Variants in BTG4 observed in about 807,000 individuals in gnomAD.
The protein encoded by BTG4 is protein BTG4.
A neutral mutation model predicts 19.3 loss-of-function variants in BTG4; 10 were observed. The observed-to-expected ratio is 0.52, with a 90% CI of 0.32 to 0.88. BTG4 has a LOEUF of 0.88. Among genes scored for constraint, BTG4 ranks in the 40% least tolerant of loss-of-function variants. The pLI, the probability that BTG4 is intolerant of heterozygous loss-of-function variation, is 0.04. For missense variants in BTG4, 238 were observed against 281.9 expected (o/e 0.84, Z 1.11); for synonymous variants, 91 against 95.7 (o/e 0.95, Z 0.29).
intron 1 of BTG4, among the ~76,000 whole-genome samples, chr11:111,511,863 C>T (rs554968291): frequency 4.6e-4 from 70 of 152,316 alleles, no homozygotes; most frequent in African/African-American, 1.6e-3. Flanking sequence ...GAGGACCTCC[C>T]TTCTATTTCT....
chr11:111,405,594 A>T, the BTG4 span, among the ~76,000 whole-genome samples: 1 of 151,946 alleles, frequency 6.6e-6, no homozygotes, highest in African/African-American at 2.4e-5. Context: ...GGGTGGATTG[A>T]TCTCAGTATG....
At chr11:111,483,862 C>A (rs1008565475) in intron 5 of BTG4, among the ~76,000 whole-genome samples, 1 of 151,964 alleles carries the variant, frequency 6.6e-6, no homozygotes, top group Non-Finnish European at 1.5e-5. Flanking sequence ...ACATGAATAT[C>A]CAAGTACAAG....
chr11:111,498,863 T>G (rs964056091), intron 1 of BTG4, 61 bp from the exon 2 acceptor site: 8 of 1,201,990 alleles, frequency 6.7e-6, no homozygotes, highest in Admixed American at 5.7e-5. Context: ...ATTATCAATA[T>G]TTAACTGCCA....
the BTG4 span, among the ~76,000 whole-genome samples, chr11:111,388,280 A>G: frequency 3.2e-4 from 47 of 145,596 alleles, no homozygotes; most frequent in African/African-American, 1.1e-3. Context: ...GCCATGACTC[A>G]GTTGGTTGGT....
the BTG4 span, among the ~76,000 whole-genome samples, chr11:111,424,075 G>GC: frequency 1.2e-4 from 19 of 152,178 alleles, no homozygotes; most frequent in African/African-American, 4.6e-4. Flanking sequence ...AGGCTCAGAG[G>GC]CTTGACCAGC....
chr11:111,502,597 T>A lies in BTG4; in HGVS notation c.-26-3795A>T, dbSNP rs564665604. Among the ~76,000 whole-genome samples the A allele has an allele frequency of 4.6e-5, 7 of 152,346 alleles. No individual in the cohort carries two copies. The East Asian group carries it at 1.3e-3, about 29-fold the overall frequency. ...GTAACTCCTTGTATACTGCTGAAAT[T>A]TTGCTTCTGAACTAAAGGCAACAGA... On this transcript the variant is annotated intron_variant, in intron 1 of 4. Coordinates refer to ENST00000692032, the MANE Select transcript of BTG4 (RefSeq NM_001367975.1).
the BTG4 span, among the ~76,000 whole-genome samples, chr11:111,407,357 G>C: frequency 6.6e-6 from 1 of 152,130 alleles, no homozygotes; most frequent in South Asian, 2.1e-4. Context: ...AGGCAGGTTA[G>C]AGAAAGATGT....
Position 111,497,522 on chromosome 11 carries a change from A to G in BTG4, c.312-113T>C, listed in dbSNP as rs138883592. On this transcript the variant is annotated intron_variant, in intron 3 of 4. Coordinates refer to ENST00000692032, the MANE Select transcript of BTG4 (RefSeq NM_001367975.1). ...ATTTTAAAAGAAATTGCCTTAAAAA[A>G]TTGAAGGACATTATGACCTTCACCT... The G allele has an allele frequency of 8.8e-4, 545 of 620,484 alleles. 4 individuals are homozygous for G. The African/African-American group carries it at 9.5e-3, about 11-fold the overall frequency. 38.4% of individuals were successfully genotyped at this position (620,484 alleles called of 1,614,324 possible).
At chr11:111,392,735 A>G in the BTG4 span, among the ~76,000 whole-genome samples, 1 of 152,166 alleles carries the variant, frequency 6.6e-6, no homozygotes, top group Non-Finnish European at 1.5e-5. Flanking sequence ...TTTTGGGAGA[A>G]TAGACATTCC....
downstream of BTG4, among the ~76,000 whole-genome samples, chr11:111,465,867 G>A (rs1304479983): frequency 6.6e-6 from 1 of 152,082 alleles, no homozygotes; most frequent in Non-Finnish European, 1.5e-5. Context: ...GGCTAACAAA[G>A]CCTAAAATAC....
chr11:111,486,942 C>T (rs1865101854), intron 5 of BTG4, among the ~76,000 whole-genome samples: 1 of 152,050 alleles, frequency 6.6e-6, no homozygotes, highest in Admixed American at 6.6e-5. Flanking sequence ...GCCCCCCATG[C>T]ATTAGCATTT....
At chr11:111,437,679 TC>T in the BTG4 span, among the ~76,000 whole-genome samples, 1 of 151,990 alleles carries the variant, frequency 6.6e-6, no homozygotes, top group Non-Finnish European at 1.5e-5. Flanking sequence ...CCCACCTGTA[TC>T]CCCATTGCAT....
At chr11:111,414,328 G>C in the BTG4 span, 3 of 152,166 alleles carry the variant, frequency 2.0e-5, no homozygotes, top group Non-Finnish European at 4.4e-5. Context: ...CCACCAGGGA[G>C]AGCGGTCCAG....
the BTG4 span, among the ~76,000 whole-genome samples, chr11:111,461,260 C>G: frequency 5.3e-5 from 8 of 152,146 alleles, no homozygotes; most frequent in Non-Finnish European, 8.8e-5. Flanking sequence ...TCAATTCTAG[C>G]CCTGACACCA....
the BTG4 span, among the ~76,000 whole-genome samples, chr11:111,405,628 G>C: frequency 3.3e-5 from 5 of 152,056 alleles, no homozygotes; most frequent in African/African-American, 1.2e-4. Flanking sequence ...TGTTGCCACT[G>C]CCAGAGTTCA....
At chr11:111,450,332 G>C in the BTG4 span, 1 of 152,568 alleles carries the variant, frequency 6.6e-6, no homozygotes. Flanking sequence ...GCCTCTTTTC[G>C]TTTCCAGGAT....
chr11:111,445,318 G>A, the BTG4 span, among the ~76,000 whole-genome samples: 1 of 152,168 alleles, frequency 6.6e-6, no homozygotes, highest in Non-Finnish European at 1.5e-5. Flanking sequence ...GAAGACTAGT[G>A]GCATTACCTC....
chr11:111,399,886 T>G, the BTG4 span, among the ~76,000 whole-genome samples: 1 of 151,840 alleles, frequency 6.6e-6, no homozygotes, highest in Non-Finnish European at 1.5e-5. Context: ...GGGTGGCGGG[T>G]GTGAGCTGAG....
intron 5 of BTG4, among the ~76,000 whole-genome samples, chr11:111,479,435 C>A (rs1056470199): frequency 2.0e-5 from 3 of 151,956 alleles, no homozygotes; most frequent in Non-Finnish European, 4.4e-5. Flanking sequence ...CAGAGTGAGA[C>A]CCTGTTCTCT....
Sources: allele counts gnomAD v4.1 joint callset (sites outside exome capture counted in the v4.1 genomes callset), GRCh38; gene constraint gnomAD v4.1.1; transcripts MANE v1.5; gene names NCBI Gene and HGNC (gene_info 2026-07-23, HGNC 2026-07-21).